The following AKAP6 variants were observed in gnomAD, a reference collection of about 807,000 sequenced individuals.
AKAP6 encodes A-kinase anchoring protein 6.
AKAP6 carries 58 observed loss-of-function variants against 188.5 expected under a neutral mutation model. The observed-to-expected ratio is 0.31, with a 90% CI of 0.25 to 0.38. The LOEUF is 0.38. Ranked by LOEUF, AKAP6 falls within the 10% of genes least tolerant of loss-of-function variation. The pLI is 1.00. For missense variants in AKAP6, 2,710 were observed against 2,740.0 expected (o/e 0.99, Z 0.24); for synonymous variants, 989 against 998.6 (o/e 0.99, Z 0.18).
At chr14:32,608,980 T>A (rs1886242054) in intron 7 of AKAP6, among the ~76,000 whole-genome samples, 1 of 152,224 alleles carries the variant, frequency 6.6e-6, no homozygotes, top group Non-Finnish European at 1.5e-5. Flanking sequence ...GTAAATTCTT[T>A]GAAAGTGTGA....
At chr14:32,375,670 T>C (rs912787054) in intron 1 of AKAP6, among the ~76,000 whole-genome samples, 1 of 152,172 alleles carries the variant, frequency 6.6e-6, no homozygotes, top group African/African-American at 2.4e-5. Flanking sequence ...GTATGATAAG[T>C]AGTTTATATT....
chr14:32,638,408 C>T (rs933492454), intron 7 of AKAP6, among the ~76,000 whole-genome samples: 1 of 152,086 alleles, frequency 6.6e-6, no homozygotes, highest in Non-Finnish European at 1.5e-5. Context: ...GTTTCTTTTT[C>T]TCTTCTGCTT....
rs372195655 is a variant in AKAP6 at position 32,545,937 on chromosome 14, A to G, written c.1284A>G (p.Leu428=). Residue 428 remains leucine (L), a synonymous_variant, in exon 4 of 14, where the codon CTA becomes CTG. Coordinates refer to ENST00000280979, the MANE Select transcript of AKAP6 (RefSeq NM_004274.5). ...KPEMSRSTPS[L]VDPPDRSKLC... ...AGATGAGCAGAAGCACCCCTTCGCT[A>G]GTAGATCCTCCTGACAGATCCAAAC... is the stretch of plus-strand genomic sequence containing the variant. 2.5e-6 allele frequency: 4 copies of G among 1,614,116 alleles called. No homozygotes were observed. Among genetic ancestry groups the G allele is most frequent in the Non-Finnish European group, 2.5e-6 (3 of 1,180,032 alleles).
intron 12 of AKAP6, among the ~76,000 whole-genome samples, chr14:32,808,168 G>T (rs559368711): frequency 6.6e-6 from 1 of 152,272 alleles, no homozygotes; most frequent in South Asian, 2.1e-4. Flanking sequence ...GGAGTTAACA[G>T]CAATAATTAT....
At chr14:32,763,695 T>C (rs2032614010) in intron 11 of AKAP6, among the ~76,000 whole-genome samples, 1 of 152,174 alleles carries the variant, frequency 6.6e-6, no homozygotes, top group African/African-American at 2.4e-5. Context: ...TTTAATCATG[T>C]CATTTTTCAA....
intron 1 of AKAP6, among the ~76,000 whole-genome samples, chr14:32,410,651 A>T (rs1426973394): frequency 2.0e-5 from 3 of 152,136 alleles, no homozygotes; most frequent in Non-Finnish European, 4.4e-5. Flanking sequence ...ACTTTTTTTT[A>T]AAGATTATTA....
Position 32,433,857 on chromosome 14 carries a change from C to T in AKAP6, c.324+40C>T, listed in dbSNP as rs768653406. Reference sequence around the variant, plus strand: ...GTGATCCTCTCAGGATAGAAGTTTTCAAAAGGCTGTGGCACCTAGAGACTG... The same window carrying T: ...GTGATCCTCTCAGGATAGAAGTTTTTAAAAGGCTGTGGCACCTAGAGACTG... On this transcript the variant is annotated intron_variant, in intron 2 of 13. Coordinates refer to ENST00000280979, the MANE Select transcript of AKAP6 (RefSeq NM_004274.5). 4 of 1,568,578 alleles carry T rather than the reference C, an allele frequency of 2.6e-6. No homozygotes were observed. The South Asian group carries it at 4.7e-5, about 18-fold the overall frequency.
At chr14:32,827,281 A>T (rs1011640009) in intron 13 of AKAP6, among the ~76,000 whole-genome samples, 1 of 152,062 alleles carries the variant, frequency 6.6e-6, no homozygotes, top group Non-Finnish European at 1.5e-5. Context: ...TTTTAAAGAC[A>T]TTTGAAAACC....
At position 32,832,637 on chromosome 14, in the gene AKAP6, T is replaced by C. The variant is rs1012635012; in HGVS notation, c.*2832T>C. The C allele has an allele frequency of 1.3e-5, 2 of 152,186 alleles. No individual in the cohort carries two copies. The highest frequency in any genetic ancestry group is 6.5e-5 in the Admixed American group (1 of 15,278). 9.4% of individuals were successfully genotyped at this position (152,186 alleles called of 1,614,324 possible). ...ACCAACTCTGCCTACACACTTCCAG[T>C]GATAGTGGCTCATTGTCTGTTAAGG... On this transcript the variant is annotated 3_prime_UTR_variant, in exon 14 of 14. Transcript: ENST00000280979.
At chr14:32,639,537 C>A (rs1887666048) in intron 7 of AKAP6, among the ~76,000 whole-genome samples, 1 of 152,078 alleles carries the variant, frequency 6.6e-6, no homozygotes, top group South Asian at 2.1e-4. Context: ...GAAATCACAC[C>A]AAGCTTTTGT....
chr14:32,731,031 A>G (rs981164967), intron 9 of AKAP6, among the ~76,000 whole-genome samples: 14 of 152,118 alleles, frequency 9.2e-5, no homozygotes, highest in African/African-American at 3.4e-4. Flanking sequence ...GATTTTCTCC[A>G]CTATGCATAT....
intron 11 of AKAP6, among the ~76,000 whole-genome samples, chr14:32,748,135 A>G (rs891830676): frequency 6.6e-6 from 1 of 152,218 alleles, no homozygotes; most frequent in African/African-American, 2.4e-5. Context: ...CTTTGTTAGT[A>G]CATTCAAATA....
chr14:32,790,408 G>A (rs2033571637), intron 12 of AKAP6, among the ~76,000 whole-genome samples: 1 of 151,976 alleles, frequency 6.6e-6, no homozygotes, highest in Admixed American at 6.6e-5. Context: ...TCAACCCCAA[G>A]ACACATAATC....
chr14:32,727,526 T>G, intron 9 of AKAP6, among the ~76,000 whole-genome samples: 1 of 152,208 alleles, frequency 6.6e-6, no homozygotes, highest in Non-Finnish European at 1.5e-5. Flanking sequence ...TGATTTATAT[T>G]AAAGATAATG....
In AKAP6 at chr14:32,401,256, A is replaced by G. The variant is rs551445843; in HGVS notation, c.-34-32204A>G. On this transcript the variant is annotated intron_variant, in intron 1 of 13. Transcript: ENST00000280979. ...ATTTCATTATGTGAGATATTCCATA[A>G]ATAGAAAAAAAATTAAAAATTGAAA... is the stretch of plus-strand genomic sequence containing the variant. 3.9e-5 allele frequency among the ~76,000 whole-genome samples: 6 copies of G among 152,266 alleles called. No homozygotes were observed. The South Asian group carries it at 1.2e-3, about 32-fold the overall frequency.
intron 4 of AKAP6, among the ~76,000 whole-genome samples, chr14:32,576,222 G>A (rs973014065): frequency 5.8e-4 from 88 of 152,148 alleles, no homozygotes; most frequent in Admixed American, 5.8e-3. Flanking sequence ...ATAGGGAAAC[G>A]GCATCTCAAC....
At chr14:32,806,831 T>G (rs2034100627) in intron 12 of AKAP6, among the ~76,000 whole-genome samples, 1 of 152,212 alleles carries the variant, frequency 6.6e-6, no homozygotes, top group Admixed American at 6.5e-5. Flanking sequence ...AGTTTAAGAT[T>G]GAATTTTGAG....
intron 12 of AKAP6, among the ~76,000 whole-genome samples, chr14:32,788,410 G>A (rs1242078583): frequency 1.3e-5 from 2 of 152,176 alleles, no homozygotes; most frequent in Non-Finnish European, 2.9e-5. Flanking sequence ...CGGAACTCAC[G>A]GAAAGGAATG....
intron 7 of AKAP6, among the ~76,000 whole-genome samples, chr14:32,672,593 G>A (rs1036567473): frequency 1.3e-4 from 20 of 152,088 alleles, no homozygotes; most frequent in African/African-American, 4.1e-4. Flanking sequence ...TTGTGACCTC[G>A]TTTAACCTTT....
Sources: allele counts gnomAD v4.1 joint callset (sites outside exome capture counted in the v4.1 genomes callset), GRCh38; gene constraint gnomAD v4.1.1; transcripts MANE v1.5; gene names NCBI Gene and HGNC (gene_info 2026-07-23, HGNC 2026-07-21).